The following UTRN variants were observed in gnomAD, a reference collection of about 807,000 sequenced individuals.
The protein encoded by UTRN is dystrophin-related protein 1.
In UTRN, 283 loss-of-function variants were observed where a neutral mutation model predicts 463.9. That is an observed-to-expected ratio of 0.61 (90% CI 0.55 to 0.67). The LOEUF is 0.67. Ranked by LOEUF, UTRN falls within the 30% of genes least tolerant of loss-of-function variation. The pLI, the probability that UTRN is intolerant of heterozygous loss-of-function variation, is 0.00. For synonymous variants in UTRN, 1,442 were observed against 1,431.5 expected, an observed-to-expected ratio of 1.01 and a Z score of -0.17; for missense variants, 3,922 against 4,084.3, an observed-to-expected ratio of 0.96 and a Z score of 1.08.
chr6:144,809,080 T>A (rs1339718280), intron 65 of UTRN, among the ~76,000 whole-genome samples: 3 of 152,146 alleles, frequency 2.0e-5, no homozygotes, highest in Non-Finnish European at 2.9e-5. Context: ...TAAAGAACCT[T>A]TAGATTGTTT....
chr6:144,308,379 C>G (rs978298369), intron 2 of UTRN, among the ~76,000 whole-genome samples: 1 of 152,194 alleles, frequency 6.6e-6, no homozygotes, highest in African/African-American at 2.4e-5. Flanking sequence ...TCACTGCAAC[C>G]TCCGCCTCCT....
chr6:144,657,832 T>C (rs1779485710), intron 51 of UTRN, among the ~76,000 whole-genome samples: 1 of 152,222 alleles, frequency 6.6e-6, no homozygotes, highest in Non-Finnish European at 1.5e-5. Flanking sequence ...AGCTGGAAGT[T>C]TGCCCAGCTG....
chr6:144,726,958 A>C (rs1449111316), intron 53 of UTRN, among the ~76,000 whole-genome samples: 2 of 152,186 alleles, frequency 1.3e-5, no homozygotes, highest in African/African-American at 4.8e-5. Flanking sequence ...TTGAAATCTA[A>C]AAAGAAGTTC....
At chr6:144,297,692 C>T (rs368657986) in intron 2 of UTRN, among the ~76,000 whole-genome samples, 2 of 152,178 alleles carry the variant, frequency 1.3e-5, no homozygotes, top group African/African-American at 4.8e-5. Context: ...GGAAATTCAA[C>T]TCTGGCAGAG....
chr6:144,507,278 A>T (rs1351669182), intron 34 of UTRN, among the ~76,000 whole-genome samples: 2 of 150,426 alleles, frequency 1.3e-5, no homozygotes, highest in African/African-American at 4.9e-5. Flanking sequence ...AATTCATCAA[A>T]CTCATTCTCC....
At chr6:144,411,024 T>C (rs542172246) in intron 3 of UTRN, among the ~76,000 whole-genome samples, 8 of 152,348 alleles carry the variant, frequency 5.3e-5, no homozygotes, top group South Asian at 4.1e-4. Context: ...TGTGCTGCTA[T>C]AAACATGAGT....
intron 61 of UTRN, among the ~76,000 whole-genome samples, chr6:144,788,397 G>A (rs1355988411): frequency 2.0e-5 from 3 of 151,974 alleles, no homozygotes. Context: ...TATTCAGCAA[G>A]TTGTAAGCTC....
At position 144,835,886 on chromosome 6, in the gene UTRN, G is replaced by C. The variant is rs371109816; in HGVS notation, c.9772G>C (p.Glu3258Gln). ...PAQILKSVER[E>Q]ERGELERIIA... ...TCAGATCCTGAAGTCAGTAGAGAGGGAAGAACGTGGAGAACTGGAGAGGAT... is the reference window on the plus strand; with the variant it reads ...TCAGATCCTGAAGTCAGTAGAGAGGCAAGAACGTGGAGAACTGGAGAGGAT... The change falls in exon 70 of 75, where the codon GAA (glutamate) becomes CAA (glutamine). Residue 3258 changes from glutamate to glutamine, a missense_variant. Physicochemically the swap from Glu to Gln is conservative, Grantham distance 29. This residue lies in a region of UTRN where 1,309 missense variants were observed against 1,452.6 expected (regional missense o/e 0.90). Coordinates refer to ENST00000367545, the MANE Select transcript of UTRN (RefSeq NM_007124.3). 3.4e-5 allele frequency: 55 copies of C among 1,614,152 alleles called. No individual in the cohort carries two copies. In the African/African-American group the frequency reaches 5.9e-4, roughly 17 times the overall value.
chr6:144,397,158 C>T (rs373580116), intron 2 of UTRN, among the ~76,000 whole-genome samples: 27 of 152,028 alleles, frequency 1.8e-4, no homozygotes, highest in Non-Finnish European at 3.7e-4. Context: ...GGAGGAGAAC[C>T]GCTTCAACCT....
chr6:144,549,043 A>G (rs1439042500), intron 47 of UTRN, among the ~76,000 whole-genome samples, 189 bp downstream of exon 47: 3 of 152,236 alleles, frequency 2.0e-5, no homozygotes, highest in Non-Finnish European at 4.4e-5. Context: ...CTGTTGTGAT[A>G]TGATCAGGTT....
chr6:144,787,252 T>C (rs936743574), intron 61 of UTRN, among the ~76,000 whole-genome samples: 1 of 152,204 alleles, frequency 6.6e-6, no homozygotes, highest in African/African-American at 2.4e-5. Flanking sequence ...TTTCATGTGA[T>C]AATTAGGAAA....
intron 51 of UTRN, among the ~76,000 whole-genome samples, chr6:144,612,590 A>G (rs1805637289): frequency 6.6e-6 from 1 of 152,170 alleles, no homozygotes; most frequent in African/African-American, 2.4e-5. Context: ...ATCATCAGGT[A>G]CAGGAAAAAA....
intron 2 of UTRN, among the ~76,000 whole-genome samples, chr6:144,306,883 C>T (rs1014035437): frequency 6.0e-5 from 9 of 151,018 alleles, no homozygotes; most frequent in Non-Finnish European, 1.2e-4. Context: ...TAGTGAAACC[C>T]TACCTCTACT....
At chr6:144,767,249 T>C (rs1052138344) in intron 58 of UTRN, among the ~76,000 whole-genome samples, 1 of 152,124 alleles carries the variant, frequency 6.6e-6, no homozygotes, top group Non-Finnish European at 1.5e-5. Context: ...TTGAGTGATT[T>C]TCTCCAGTTG....
intron 51 of UTRN, among the ~76,000 whole-genome samples, chr6:144,590,112 C>T (rs1031823110): frequency 2.6e-5 from 4 of 152,074 alleles, no homozygotes; most frequent in African/African-American, 4.8e-5. Context: ...CTGCCTGCCT[C>T]GGCCTTCCAA....
At chr6:144,795,333 C>A (rs1479995518) in intron 63 of UTRN, among the ~76,000 whole-genome samples, 1 of 152,250 alleles carries the variant, frequency 6.6e-6, no homozygotes, top group Non-Finnish European at 1.5e-5. Context: ...AGTAAACATA[C>A]GTGCGCATGT....
chr6:144,482,275 T>A lies in UTRN; in HGVS notation c.3574T>A (p.Leu1192Ile), dbSNP rs1180776794. The A allele has an allele frequency of 6.2e-7, 1 of 1,609,432 alleles. No individual in the cohort carries two copies. The highest frequency in any genetic ancestry group is 1.3e-5 in the African/African-American group (1 of 74,742). Residue 1192 changes from leucine (L) to isoleucine (I), a missense_variant, in exon 27 of 75, where the codon TTA becomes ATA. Around this residue, in one of 3 missense-constraint regions of UTRN, gnomAD observed 2,349 missense variants for 2,303.8 expected, o/e 1.02. Transcript: ENST00000367545. ...VKILKDNIKL[L>I]AAKVPSGGQE... The stretch of plus-strand genomic sequence containing the variant: ...GATTCTCAAGGACAACATCAAGTTA[T>A]TAGCTGCCAAGGTGCCCTCTGGTGG...
chr6:144,474,787 G>A, intron 25 of UTRN, 28 bp downstream of exon 25: 1 of 1,605,494 alleles, frequency 6.2e-7, no homozygotes, highest in Non-Finnish European at 8.5e-7. Flanking sequence ...ACTACCTACG[G>A]TTTTCAGGAG....
chr6:144,737,040 T>C (rs761856241), intron 54 of UTRN, among the ~76,000 whole-genome samples: 1 of 152,192 alleles, frequency 6.6e-6, no homozygotes, highest in Non-Finnish European at 1.5e-5. Flanking sequence ...CCCTGTGGTC[T>C]CTCTCACTGT....
Sources: allele counts gnomAD v4.1 joint callset (sites outside exome capture counted in the v4.1 genomes callset), GRCh38; gene constraint gnomAD v4.1.1; regional missense constraint gnomAD v4.1.1; transcripts MANE v1.5; gene names NCBI Gene and HGNC (gene_info 2026-07-23, HGNC 2026-07-21).